Variants in RMDN1 observed in about 807,000 individuals in gnomAD.
RMDN1 encodes regulator of microtubule dynamics 1.
Under a neutral mutation model 48.9 loss-of-function variants are expected in RMDN1, and 48 were observed. The observed-to-expected ratio is 0.98, with a 90% confidence interval of 0.78 to 1.25. RMDN1 has a LOEUF of 1.25. Ranked by LOEUF, RMDN1 falls within the 50% of genes most tolerant of loss-of-function variation. RMDN1 has a pLI of 0.00. For synonymous variants in RMDN1, 148 were observed against 132.6 expected (o/e 1.12, Z -0.80); for missense variants, 418 against 373.4 (o/e 1.12, Z -0.98).
Position 86,473,867 on chromosome 8 carries a change from T to G in RMDN1, c.*441A>C. On this transcript the variant is annotated 3_prime_UTR_variant, in exon 10 of 10. Coordinates refer to ENST00000406452, the MANE Select transcript of RMDN1 (RefSeq NM_016033.3). ...AGATATATCATTTAACTACTTTATG[T>G]CAGGAACCCACAACATCCTAACCAC... 1 of 990,790 alleles carries G rather than the reference T, an allele frequency of 1.0e-6. No homozygotes were observed. The highest frequency in any genetic ancestry group is 1.2e-6 in the Non-Finnish European group (1 of 833,592). The allele number at this position is 990,790 out of a possible 1,614,324, so 61.4% of individuals were successfully genotyped here. A position where few individuals can be genotyped will look rare whatever the true frequency, so the allele number is the denominator to read the frequency against.
At chr8:86,475,052 T>C in intron 8 of RMDN1, 99 bp from the exon 9 acceptor site, 1 of 981,260 alleles carries the variant, frequency 1.0e-6, no homozygotes, top group South Asian at 1.8e-5. Context: ...ATTTGTGTGG[T>C]CAATAAGTGA....
At chr8:86,470,752 A>C (rs368946123), downstream of RMDN1, among the ~76,000 whole-genome samples, 8 of 152,306 alleles carry the variant, frequency 5.3e-5, no homozygotes, top group African/African-American at 1.9e-4. Context: ...CAAGGGAATT[A>C]TGTTGAGTGA....
intron 2 of RMDN1, among the ~76,000 whole-genome samples, chr8:86,497,426 G>A (rs1817541442): frequency 2.0e-5 from 3 of 152,162 alleles, no homozygotes; most frequent in South Asian, 2.1e-4. Context: ...AGAGAGGCTG[G>A]GCACAGTGGC....
At chr8:86,468,613 T>C (rs540760777), downstream of RMDN1, 86 of 449,380 alleles carry the variant, frequency 1.9e-4, no homozygotes, top group African/African-American at 1.3e-3. Flanking sequence ...ATTTAGCAGA[T>C]TTGACTGAAG....
intron 2 of RMDN1, among the ~76,000 whole-genome samples, chr8:86,506,318 C>A (rs868747322): frequency 6.6e-6 from 1 of 152,074 alleles, no homozygotes; most frequent in South Asian, 2.1e-4. Context: ...AATTTATAAC[C>A]TCAGCTCTGG....
At chr8:86,506,822 T>C (rs558161835) in intron 2 of RMDN1, among the ~76,000 whole-genome samples, 173 bp downstream of exon 2, 53 of 152,312 alleles carry the variant, frequency 3.5e-4, no homozygotes, top group African/African-American at 1.2e-3. Context: ...AAACAGTAGG[T>C]TGGCAGTTAG....
intron 5 of RMDN1, 158 bp downstream of exon 5, chr8:86,484,714 G>C (rs1469558641): frequency 2.4e-6 from 1 of 416,988 alleles, no homozygotes; most frequent in East Asian, 4.1e-5. Flanking sequence ...GCGAAACTCC[G>C]TCTCAAAAAA....
downstream of RMDN1, chr8:86,468,782 T>G (rs1415663509): frequency 2.2e-6 from 1 of 449,480 alleles, no homozygotes; most frequent in African/African-American, 2.0e-5. Flanking sequence ...ATTATAGATA[T>G]CCAAGACCTA....
intron 8 of RMDN1, among the ~76,000 whole-genome samples, chr8:86,476,218 T>C (rs189299430): frequency 2.0e-4 from 30 of 152,276 alleles, no homozygotes; most frequent in Admixed American, 9.2e-4. Context: ...TAATTAACTT[T>C]TAAATCTGTT....
intron 5 of RMDN1, chr8:86,482,579 T>C (rs1217644569): frequency 4.0e-6 from 3 of 748,106 alleles, no homozygotes; most frequent in African/African-American, 3.4e-5. Context: ...AAGAAGTTAA[T>C]GAGTGAGTTT....
At chr8:86,495,145 G>A (rs1322534291) in intron 2 of RMDN1, among the ~76,000 whole-genome samples, 1 of 152,102 alleles carries the variant, frequency 6.6e-6, no homozygotes, top group African/African-American at 2.4e-5. Flanking sequence ...TACTCAGAAA[G>A]AAGACATTGA....
At chr8:86,489,377 G>GA (rs1425453135) in intron 2 of RMDN1, among the ~76,000 whole-genome samples, 3 of 151,920 alleles carry the variant, frequency 2.0e-5, no homozygotes, top group South Asian at 4.1e-4. Flanking sequence ...TCTACTTAAT[G>GA]AAAAAAACAG....
At chr8:86,513,917 C>T (rs940470521) in intron 1 of RMDN1, among the ~76,000 whole-genome samples, 1 of 151,184 alleles carries the variant, frequency 6.6e-6, no homozygotes, top group Admixed American at 6.6e-5. Flanking sequence ...GAGGCACGAA[C>T]ATGGCGCACT....
chr8:86,504,941 C>T, intron 2 of RMDN1: 1 of 1,276,926 alleles, frequency 7.8e-7, no homozygotes, highest in East Asian at 2.3e-5. Context: ...AGACCCATGG[C>T]AGGGCTTTTG....
At chr8:86,503,385 A>AAAAAAAAAAAAAAAAAAC (rs1554594088) in intron 2 of RMDN1, among the ~76,000 whole-genome samples, 4 of 81,064 alleles carry the variant, frequency 4.9e-5, no homozygotes, top group African/African-American at 2.7e-4. Flanking sequence ...AAAAAAAAAA[A>AAAAAAAAAAAAAAAAAAC]AAAACAAAAA....
Position 86,473,282 on chromosome 8 carries a change from C to T in RMDN1, c.*1026G>A, listed in dbSNP as rs1171669366. 1 of 985,248 alleles carries T rather than the reference C, an allele frequency of 1.0e-6. No homozygotes were observed. The highest frequency in any genetic ancestry group is 1.2e-6 in the Non-Finnish European group (1 of 829,928). 61.0% of individuals were successfully genotyped at this position (985,248 alleles called of 1,614,324 possible). A position where few individuals can be genotyped will look rare whatever the true frequency, so the allele number is the denominator to read the frequency against. The stretch of plus-strand genomic sequence containing the variant: ...TTTATCTAAGTGGATTCAAGATGCT[C>T]CTTTTTACAAAACTTAAAAAGATTT... On this transcript the variant is annotated 3_prime_UTR_variant, in exon 10 of 10. Transcript: ENST00000406452.
At chr8:86,476,686 T>G (rs1471535192) in intron 8 of RMDN1, among the ~76,000 whole-genome samples, 1 of 152,198 alleles carries the variant, frequency 6.6e-6, no homozygotes. Flanking sequence ...ATGCCTCTAA[T>G]GAGATGCATA....
intron 3 of RMDN1, among the ~76,000 whole-genome samples, chr8:86,487,544 C>T (rs28696357): frequency 0.076 from 11,512 of 151,972 alleles, 1,436 homozygotes; most frequent in African/African-American, 0.26. Context: ...GCCAAGATTG[C>T]GCCATTGCAC....
chr8:86,512,880 C>A (rs1820123149), upstream of RMDN1, among the ~76,000 whole-genome samples: 1 of 151,430 alleles, frequency 6.6e-6, no homozygotes, highest in Non-Finnish European at 1.5e-5. Context: ...TCAACACCAG[C>A]CTGAGCAACA....
Sources: gnomAD v4.1 joint callset for allele counts (sites outside exome capture counted in the v4.1 genomes callset) on GRCh38, gnomAD v4.1.1 for gene constraint, MANE v1.5 for transcripts, NCBI Gene and HGNC (gene_info 2026-07-23, HGNC 2026-07-21) for gene names.